FGD2: variants seen among roughly 807,000 people sequenced by gnomAD.
The protein encoded by FGD2 is FYVE, RhoGEF and PH domain containing 2.
In FGD2, 52 loss-of-function variants were observed where a neutral mutation model predicts 75.9. The ratio of observed to expected loss-of-function variants is 0.69; its 90% CI spans 0.55 to 0.86. The LOEUF (loss-of-function observed/expected upper bound fraction) is 0.86, where lower values mean the gene tolerates loss of function less well. Among genes scored for constraint, FGD2 ranks in the 40% least tolerant of loss-of-function variants. FGD2 has a pLI of 0.00. For synonymous variants in FGD2, 347 were observed against 348.6 expected, an observed-to-expected ratio of 1.00 and a Z score of 0.05; for missense variants, 790 against 872.0, an observed-to-expected ratio of 0.91 and a Z score of 1.18.
At chr6:37,014,204 A>G (rs1226499708) in intron 6 of FGD2, 104 bp downstream of exon 6, 2 of 1,342,900 alleles carry the variant, frequency 1.5e-6, no homozygotes, top group Non-Finnish European at 2.0e-6. Context: ...TCAGTCATCA[A>G]CATCAACCAC....
chr6:37,014,770 A>G (rs1349095143), intron 7 of FGD2, 66 bp downstream of exon 7: 11 of 1,610,506 alleles, frequency 6.8e-6, no homozygotes, highest in Admixed American at 1.7e-5. Flanking sequence ...GGTCCCACCC[A>G]TGACACCTAT....
intron 14 of FGD2, chr6:37,026,390 A>G: frequency 2.0e-6 from 2 of 985,368 alleles, no homozygotes; most frequent in Non-Finnish European, 2.4e-6. Flanking sequence ...GTCTTATCCC[A>G]TGGAGACCCA....
chr6:37,019,215 C>T (rs1583313447), intron 9 of FGD2, among the ~76,000 whole-genome samples: 1 of 152,198 alleles, frequency 6.6e-6, no homozygotes, highest in Non-Finnish European at 1.5e-5. Context: ...CCTAACTGGC[C>T]TTTGGGCTAC....
chr6:37,005,973 C>G, intron 1 of FGD2, 88 bp downstream of exon 1: 2 of 1,437,480 alleles, frequency 1.4e-6, no homozygotes, highest in Non-Finnish European at 1.9e-6. Context: ...GGGCCCTGCC[C>G]CGGACCCTCC....
In FGD2 at chr6:37,013,617, A is replaced by G. The variant is rs1324194188; in HGVS notation, c.536A>G (p.Asn179Ser). 2 of 1,613,614 alleles carry G rather than the reference A, an allele frequency of 1.2e-6. No homozygotes were observed. Among genetic ancestry groups the G allele is most frequent in the African/African-American group, 2.7e-5 (2 of 74,926 alleles). The change falls in exon 5 of 16, where the codon AAC becomes AGC. Residue 179 changes from asparagine to serine, a missense_variant. Asn to Ser is a conservative substitution (Grantham distance 46). Transcript: ENST00000274963. ...CTGTGCCCCTCCTGCAGGACAGCTAACCCCCGCATCGGTGACGTGATCCAG... is the reference window on the plus strand; with the variant it reads ...CTGTGCCCCTCCTGCAGGACAGCTAGCCCCCGCATCGGTGACGTGATCCAG... The part of the protein sequence containing the change: ...LQRRLDDWTA[N>S]PRIGDVIQKL...
intron 9 of FGD2, 55 bp downstream of exon 9, chr6:37,015,915 A>G: frequency 1.4e-6 from 2 of 1,478,174 alleles, no homozygotes; most frequent in Non-Finnish European, 9.1e-7. Context: ...GACTGAGTAC[A>G]GGGAGTAAGA....
chr6:37,027,896 G>T, intron 15 of FGD2, 52 bp from the exon 16 acceptor site: 1 of 1,587,074 alleles, frequency 6.3e-7, no homozygotes, highest in Non-Finnish European at 8.6e-7. Context: ...TGGCTATCTG[G>T]GGCAGTAGGA....
At chr6:37,015,562 T>C in intron 8 of FGD2, among the ~76,000 whole-genome samples, 1 of 152,142 alleles carries the variant, frequency 6.6e-6, no homozygotes. Context: ...TCAGTAACCA[T>C]CCTAGGGGAA....
intron 9 of FGD2, among the ~76,000 whole-genome samples, chr6:37,019,202 C>T (rs1278043397): frequency 6.6e-6 from 1 of 152,230 alleles, no homozygotes; most frequent in Non-Finnish European, 1.5e-5. Flanking sequence ...TATGATGTTG[C>T]TTCCTAACTG....
chr6:37,028,033 A>T lies in FGD2; in HGVS notation c.1838A>T (p.Gln613Leu). The T allele has an allele frequency of 6.2e-7, 1 of 1,613,578 alleles. No individual in the cohort carries two copies. The highest frequency in any genetic ancestry group is 8.5e-7 in the Non-Finnish European group (1 of 1,179,818). ...GGGGACCCTCGGGTCTTCCAGCTAC[A>T]GCAGTCAGGCCAGCTCTACACCTTC... ...PQGDPRVFQL[Q>L]QSGQLYTFKA... The change falls in exon 16 of 16, where the codon CAG becomes CTG. Residue 613 changes from glutamine (Q) to leucine (L), a missense_variant. Coordinates refer to ENST00000274963, the MANE Select transcript of FGD2 (RefSeq NM_173558.4).
chr6:37,014,954 C>T lies in FGD2; in HGVS notation c.945C>T (p.Asp315=). The T allele has an allele frequency of 1.2e-6, 2 of 1,614,162 alleles. No individual in the cohort carries two copies. Among genetic ancestry groups the T allele is most frequent in the Non-Finnish European group, 1.7e-6 (2 of 1,180,008 alleles). The part of the protein sequence containing the change: ...QRLGLEDDIV[D]PSNTLLREGP... The stretch of plus-strand genomic sequence containing the variant: ...TGGGCCTCGAGGACGACATAGTAGA[C>T]CCCTCTAACACCCTGCTCCGTGAGG... Residue 315 remains aspartate (D), a synonymous_variant, in exon 8 of 16, where the codon GAC becomes GAT. Coordinates refer to ENST00000274963, the MANE Select transcript of FGD2 (RefSeq NM_173558.4).
intron 1 of FGD2, 46 bp downstream of exon 1, chr6:37,005,931 C>T: frequency 6.3e-7 from 1 of 1,597,416 alleles, no homozygotes; most frequent in Non-Finnish European, 8.5e-7. Context: ...GGCTGGCAGC[C>T]ACCCTCCAGC....
chr6:37,021,755 C>G (rs1765601224), intron 12 of FGD2, 151 bp downstream of exon 12: 1 of 698,576 alleles, frequency 1.4e-6, no homozygotes, highest in South Asian at 1.9e-5. Context: ...CCAGCGCATC[C>G]CCCGACTCAG....
chr6:37,024,446 A>T (rs899744277), intron 13 of FGD2: 4 of 152,220 alleles, frequency 2.6e-5, no homozygotes, highest in Admixed American at 2.6e-4. Context: ...CACCAGCTAC[A>T]TATTTAAGGG....
Position 37,011,225 on chromosome 6 carries a change from T to C in FGD2, c.378+175T>C, listed in dbSNP as rs2150769603. 3.1e-6 allele frequency: 2 copies of C among 643,970 alleles called. 1 individual carries two copies. Among genetic ancestry groups the C allele is most frequent in the Middle Eastern group, 8.3e-4 (2 of 2,404 alleles). 39.9% of individuals were successfully genotyped at this position (643,970 alleles called of 1,614,324 possible). A position where few individuals can be genotyped will look rare whatever the true frequency, so the allele number is the denominator to read the frequency against. On this transcript the variant is annotated intron_variant, in intron 3 of 15. Coordinates refer to ENST00000274963, the MANE Select transcript of FGD2 (RefSeq NM_173558.4). ...GGGTTGGGGTAGAATCAGGAGGTCT[T>C]GTTAGCAGTACTCCCCATTCTGCCT... is the stretch of plus-strand genomic sequence containing the variant.
In FGD2 at chr6:37,014,974, G is replaced by C. The variant is rs183698723; in HGVS notation, c.965G>C (p.Arg322Pro). The C allele has an allele frequency of 1.2e-6, 2 of 1,614,118 alleles. No homozygotes were observed. Among genetic ancestry groups the C allele is most frequent in the African/African-American group, 2.7e-5 (2 of 75,046 alleles). Residue 322 changes from arginine (R) to proline (P), a missense_variant, in exon 8 of 16, where the codon CGT becomes CCT. Physicochemically the swap from Arg to Pro is moderately radical, Grantham distance 103. Coordinates refer to ENST00000274963, the MANE Select transcript of FGD2 (RefSeq NM_173558.4). ...DIVDPSNTLL[R>P]EGPVLKISFR... ...GTAGACCCCTCTAACACCCTGCTCC[G>C]TGAGGGCCCGGTCCTCAAGATCTCC...
In FGD2 at chr6:37,028,620, T is replaced by TTTTTTTTTTTTTTTTTG; in HGVS notation, c.*469_*470insTTTTGTTTTTTTTTTTT. ...AGTTGGGGGAGGCATGGGGTCTTTT[T>TTTTTTTTTTTTTTTTTG]TTTTTTTTTTTTGAGACAGAGTCTT... On this transcript the variant is annotated 3_prime_UTR_variant, in exon 16 of 16. Transcript: ENST00000274963. 7.7e-6 allele frequency: 1 copy of TTTTTTTTTTTTTTTTTG among 130,104 alleles called. No individual in the cohort carries two copies. The highest frequency in any genetic ancestry group is 1.6e-5 in the Non-Finnish European group (1 of 61,334). The allele number at this position is 130,104 out of a possible 1,614,324, so 8.1% of individuals were successfully genotyped here.
rs140537622 is a variant in FGD2 at position 37,020,132 on chromosome 6, G to A, written c.1123-409G>A. On this transcript the variant is annotated intron_variant, in intron 9 of 15. Coordinates refer to ENST00000274963, the MANE Select transcript of FGD2 (RefSeq NM_173558.4). ...CTCCCAAAATGCTGGGATTACAGGC[G>A]TGAGCCACTGCACCCAGCCAAGGTT... Among the ~76,000 whole-genome samples, 1,104 of 152,292 alleles carry A rather than the reference G, an allele frequency of 7.2e-3. 13 individuals carry two copies. The highest frequency in any genetic ancestry group is 0.024 in the African/African-American group (1,015 of 41,574).
chr6:37,022,097 C>A (rs1003337390), intron 12 of FGD2, 142 bp from the exon 13 acceptor site: 10 of 1,169,240 alleles, frequency 8.6e-6, no homozygotes, highest in Non-Finnish European at 1.2e-5. Context: ...TCAGGTCAGT[C>A]AGCTTGCTGT....
Sources: gnomAD v4.1 joint callset for allele counts (sites outside exome capture counted in the v4.1 genomes callset) on GRCh38, gnomAD v4.1.1 for gene constraint, MANE v1.5 for transcripts, NCBI Gene and HGNC (gene_info 2026-07-23, HGNC 2026-07-21) for gene names.